Variants in RBFOX2 observed in about 807,000 individuals in gnomAD.
The protein encoded by RBFOX2 is RNA binding fox-1 homolog 2, also known as RNA binding protein fox-1 homolog 2.
RBFOX2 carries 10 observed loss-of-function variants against 49.1 expected under a neutral mutation model. That is an observed-to-expected ratio of 0.20 (90% CI 0.13 to 0.35). The LOEUF is 0.35. RBFOX2 is among the 10% of genes least tolerant of loss of function. The probability of loss-of-function intolerance (pLI) is 1.00; values close to 1 mark genes in which losing one functional copy is unlikely to be tolerated. For missense variants in RBFOX2, 323 were observed against 486.9 expected (o/e 0.66, Z 3.17); for synonymous variants, 183 against 187.4 (o/e 0.98, Z 0.19).
intron 1 of RBFOX2, among the ~76,000 whole-genome samples, chr22:35,985,907 GATA>G (rs2057694494): frequency 0.031 from 185 of 5,890 alleles, 1 homozygote; most frequent in South Asian, 0.088. Context: ...TAGATGGATA[GATA>G]GATAGATAGA....
At chr22:35,746,096 G>C in intron 10 of RBFOX2, 101 bp from the exon 13 acceptor site, 2 of 1,032,686 alleles carry the variant, frequency 1.9e-6, no homozygotes, top group Non-Finnish European at 2.9e-6. Flanking sequence ...ACTTGGTCTT[G>C]GATTATCATA....
At chr22:35,896,137 G>A (rs2047815198) in intron 1 of RBFOX2, among the ~76,000 whole-genome samples, 1 of 152,108 alleles carries the variant, frequency 6.6e-6, no homozygotes, top group African/African-American at 2.4e-5. Flanking sequence ...TCTCTGTGGG[G>A]ACTGGTGTTT....
intron 1 of RBFOX2, among the ~76,000 whole-genome samples, chr22:35,901,445 T>C (rs2048561749): frequency 6.6e-6 from 1 of 151,722 alleles, no homozygotes; most frequent in East Asian, 2.0e-4. Context: ...GCTCAGGAGT[T>C]TGAGACCAGC....
At chr22:35,850,599 T>G (rs2041829831) in intron 1 of RBFOX2, among the ~76,000 whole-genome samples, 2 of 152,214 alleles carry the variant, frequency 1.3e-5, no homozygotes, top group Non-Finnish European at 2.9e-5. Flanking sequence ...GAAAAGCCAG[T>G]TGCTTTTCTC....
chr22:36,014,122 CTTTTTTTTT>C (rs1338157670), intron 1 of RBFOX2, among the ~76,000 whole-genome samples: 1 of 137,808 alleles, frequency 7.3e-6, no homozygotes, highest in African/African-American at 2.7e-5. Context: ...ATTATCATTT[CTTTTTTTTT>C]TTTTTATTGA....
intron 2 of RBFOX2, among the ~76,000 whole-genome samples, chr22:35,792,360 G>GAAAAGAAAAGA (rs1947919371): frequency 1.7e-5 from 2 of 114,446 alleles, no homozygotes; most frequent in Middle Eastern, 4.0e-3. Context: ...GAAAAGAAAA[G>GAAAAGAAAAGA]AAAAGAAAAA....
At chr22:35,918,404 GCCCTC>G (rs1187856501) in intron 1 of RBFOX2, among the ~76,000 whole-genome samples, 1 of 152,150 alleles carries the variant, frequency 6.6e-6, no homozygotes, top group East Asian at 1.9e-4. Flanking sequence ...TGCTAAAGGA[GCCCTC>G]CAAACTCTAC....
At chr22:35,840,419 C>T (rs1300964190) in exon 1 of RBFOX2, 4 of 1,470,984 alleles carry the variant, frequency 2.7e-6, no homozygotes, top group Non-Finnish European at 3.6e-6. Context: ...CTCTCCCCCT[C>T]CTTCTTTCTC....
At chr22:35,860,366 G>C (rs1367766890) in intron 1 of RBFOX2, among the ~76,000 whole-genome samples, 1 of 152,212 alleles carries the variant, frequency 6.6e-6, no homozygotes, top group Non-Finnish European at 1.5e-5. Context: ...CCAACTGCCA[G>C]ACATGAGAGT....
intron 1 of RBFOX2, among the ~76,000 whole-genome samples, chr22:35,887,383 C>T (rs538470248): frequency 6.6e-6 from 1 of 152,160 alleles, no homozygotes; most frequent in Admixed American, 6.5e-5. Flanking sequence ...CCTCCCACGC[C>T]CTGGAGGTCA....
At chr22:36,004,796 CA>C (rs768042594) in intron 1 of RBFOX2, among the ~76,000 whole-genome samples, 119 of 141,014 alleles carry the variant, frequency 8.4e-4, no homozygotes, top group African/African-American at 1.6e-3. Flanking sequence ...AACTCTGTCT[CA>C]AAAAAAAAAA....
chr22:35,758,333 A>G (rs561861174), intron 9 of RBFOX2, among the ~76,000 whole-genome samples: 2 of 152,226 alleles, frequency 1.3e-5, no homozygotes, highest in African/African-American at 2.4e-5. Flanking sequence ...TACATTGAAC[A>G]GGACTAAATT....
chr22:35,847,142 G>A (rs1187900955), intron 1 of RBFOX2, among the ~76,000 whole-genome samples: 1 of 152,160 alleles, frequency 6.6e-6, no homozygotes, highest in East Asian at 1.9e-4. Context: ...AAGCAAGCCT[G>A]TATCTCCTTA....
intron 2 of RBFOX2, among the ~76,000 whole-genome samples, chr22:35,803,180 A>G (rs1230065266): frequency 6.6e-6 from 1 of 151,722 alleles, no homozygotes; most frequent in Non-Finnish European, 1.5e-5. Context: ...ACACACACAC[A>G]TGCCCATCAC....
At chr22:35,992,490 A>C (rs1271119308) in intron 1 of RBFOX2, 3 of 152,204 alleles carry the variant, frequency 2.0e-5, no homozygotes, top group African/African-American at 7.2e-5. Context: ...GATAATTTTA[A>C]ATTCCTTAGG....
chr22:35,875,456 T>C (rs894489488), intron 1 of RBFOX2, among the ~76,000 whole-genome samples: 49 of 152,310 alleles, frequency 3.2e-4, no homozygotes, highest in African/African-American at 1.2e-3. Flanking sequence ...TTTCTAAAGC[T>C]TCCCTAAAGG....
At chr22:35,850,221 C>CACACAG (rs1203775326) in intron 1 of RBFOX2, among the ~76,000 whole-genome samples, 2 of 151,576 alleles carry the variant, frequency 1.3e-5, no homozygotes, top group Admixed American at 1.3e-4. Context: ...CACACACACA[C>CACACAG]ACACACACAC....
At chr22:35,885,886 T>C (rs1034120857) in intron 1 of RBFOX2, among the ~76,000 whole-genome samples, 1 of 124,158 alleles carries the variant, frequency 8.1e-6, no homozygotes, top group Non-Finnish European at 1.6e-5. Context: ...AGACAGAGTC[T>C]CACTCTGTTG....
chr22:35,791,990 G>A lies in RBFOX2; in HGVS notation c.253-10244C>T, dbSNP rs1947771613. Among the ~76,000 whole-genome samples the A allele has an allele frequency of 2.0e-5, 3 of 152,158 alleles. No homozygotes were observed. The South Asian group carries it at 6.2e-4, about 32-fold the overall frequency. On this transcript the variant is annotated intron_variant, in intron 2 of 11. Transcript: ENST00000405409. ...TAACTGCTCAAAGTACATCTGCCAT[G>A]TGAATTACCATGCAATTCAAATAGC...
Sources: allele counts gnomAD v4.1 joint callset (sites outside exome capture counted in the v4.1 genomes callset), GRCh38; gene constraint gnomAD v4.1.1; transcripts MANE v1.5; gene names NCBI Gene and HGNC (gene_info 2026-07-23, HGNC 2026-07-21).